Variants in GPR20 observed in about 807,000 individuals in gnomAD.
GPR20 encodes G protein-coupled receptor 20, also known as CTD-3064M3.3.
For synonymous variants in GPR20, 241 were observed against 241.9 expected (o/e 1.00, Z 0.04); for missense variants, 494 against 527.4 (o/e 0.94, Z 0.62).
At chr8:141,360,772 C>A (rs10090941) in intron 1 of GPR20, among the ~76,000 whole-genome samples, 1 of 151,800 alleles carries the variant, frequency 6.6e-6, no homozygotes, top group African/African-American at 2.4e-5. Flanking sequence ...GAGCAGTCAC[C>A]AGCACAGAGA....
rs35659383 is a variant in GPR20, at chr8:141,357,363, G to T, written c.561C>A (p.Gly187=). The change falls in exon 2 of 2, where the codon GGC becomes GGA. Residue 187 remains glycine (G), a synonymous_variant. Transcript: ENST00000377741. ...AAGAVTLSVL[G]VTGSRPCCRV... ...GGCAGCAGGGCCGGCTGCCTGTCAC[G>T]CCCAGCACCGACAGGGTGACGGCAC... 7.4e-5 allele frequency: 115 copies of T among 1,559,540 alleles called. 1 individual carries two copies. In the Admixed American group the frequency reaches 2.1e-3, roughly 28 times the overall value.
rs530487645 is a variant in GPR20 at position 141,356,830 on chromosome 8, T to G, written c.*17A>C. On this transcript the variant is annotated 3_prime_UTR_variant, in exon 2 of 2. Transcript: ENST00000377741. ...CAGATGAGTCCTGACCTTCGGCCCC[T>G]GGCAGAGCCCTGCTGACTAAGCCTC... is the stretch of plus-strand genomic sequence containing the variant. The G allele has an allele frequency of 1.3e-6, 2 of 1,551,276 alleles. No homozygotes were observed. The highest frequency in any genetic ancestry group is 2.4e-5 in the South Asian group (2 of 85,096).
chr8:141,361,285 C>T (rs1478416389), intron 1 of GPR20, among the ~76,000 whole-genome samples: 1 of 152,242 alleles, frequency 6.6e-6, no homozygotes, highest in Non-Finnish European at 1.5e-5. Flanking sequence ...GGCCTGCTCT[C>T]CAGGGCTGAG....
Position 141,357,529 on chromosome 8 carries a change from A to T in GPR20, c.395T>A (p.Leu132His). ...GAAGAGGATGGAGCAGTGCATGTTG[A>T]GGAAGTAACCGAGGACGTGCGGGAA... ...CAFPHVLGYF[L>H]NMHCSILFLT... Residue 132 changes from leucine to histidine, a missense_variant, in exon 2 of 2, where the codon CTC becomes CAC. Transcript: ENST00000377741. 6.2e-7 allele frequency: 1 copy of T among 1,613,718 alleles called. No individual in the cohort carries two copies. The highest frequency in any genetic ancestry group is 8.5e-7 in the Non-Finnish European group (1 of 1,179,994).
At chr8:141,359,739 G>A (rs1831705480) in intron 1 of GPR20, among the ~76,000 whole-genome samples, 1 of 152,150 alleles carries the variant, frequency 6.6e-6, no homozygotes, top group African/African-American at 2.4e-5. Context: ...TGGGGGCTGG[G>A]AACCTGGCGT....
chr8:141,360,227 A>C (rs1271821661), intron 1 of GPR20, among the ~76,000 whole-genome samples: 1 of 152,180 alleles, frequency 6.6e-6, no homozygotes, highest in Non-Finnish European at 1.5e-5. Flanking sequence ...GATTCCCCGC[A>C]CTAAGGGTCT....
At chr8:141,365,624 G>A (rs768750761) in intron 1 of GPR20, among the ~76,000 whole-genome samples, 3 of 152,224 alleles carry the variant, frequency 2.0e-5, no homozygotes, top group Non-Finnish European at 2.9e-5. Context: ...GGTCACGGCC[G>A]GGATGGGCCT....
rs938659259 is a variant in GPR20, at chr8:141,357,781, G to T, written c.143C>A (p.Thr48Asn). ...CAGCGCCAGCCACAGGCCTGGGAAG[G>T]TGCCATGCAGCTCCTCGTCCAGCCG... is the stretch of plus-strand genomic sequence containing the variant. ...FARLDEELHG[T>N]FPGLWLALMA... is the part of the protein sequence containing the mutation. Residue 48 changes from threonine to asparagine, a missense_variant, in exon 2 of 2, where the codon ACC becomes AAC. Physicochemically the swap from Thr to Asn is moderately conservative, Grantham distance 65. Transcript: ENST00000377741. 1 of 1,613,456 alleles carries T rather than the reference G, an allele frequency of 6.2e-7. No individual in the cohort carries two copies. Among genetic ancestry groups the T allele is most frequent in the South Asian group, 1.1e-5 (1 of 91,082 alleles).
chr8:141,356,788 G>A lies in GPR20; in HGVS notation c.*59C>T. ...GATTGCCACCCCTGGCATGGTGGGT[G>A]TCCACGCTGGCATGCCCAGATGAGT... On this transcript the variant is annotated 3_prime_UTR_variant, in exon 2 of 2. Coordinates refer to ENST00000377741, the MANE Select transcript of GPR20 (RefSeq NM_005293.3). 1 of 1,230,506 alleles carries A rather than the reference G, an allele frequency of 8.1e-7. No homozygotes were observed. The highest frequency in any genetic ancestry group is 1.1e-6 in the Non-Finnish European group (1 of 878,074). 76.2% of individuals were successfully genotyped at this position (1,230,506 alleles called of 1,614,324 possible).
chr8:141,366,229 A>G (rs1831811052), intron 1 of GPR20, among the ~76,000 whole-genome samples: 1 of 152,208 alleles, frequency 6.6e-6, no homozygotes, highest in Non-Finnish European at 1.5e-5. Context: ...AGAGAGGGGC[A>G]GCGACTTGCC....
intron 1 of GPR20, among the ~76,000 whole-genome samples, chr8:141,364,321 G>A (rs1831783097): frequency 6.6e-6 from 1 of 152,248 alleles, no homozygotes; most frequent in Non-Finnish European, 1.5e-5. Context: ...GGAACTGTCT[G>A]CCTGTTTATT....
intron 1 of GPR20, among the ~76,000 whole-genome samples, chr8:141,362,173 A>G (rs1006989980): frequency 3.3e-5 from 5 of 152,152 alleles, no homozygotes; most frequent in African/African-American, 1.2e-4. Flanking sequence ...TCCAGGCCCA[A>G]CCCCAAGCTG....
chr8:141,359,810 C>T (rs1166449736), intron 1 of GPR20, among the ~76,000 whole-genome samples: 2 of 152,220 alleles, frequency 1.3e-5, no homozygotes, highest in African/African-American at 2.4e-5. Context: ...CGTCCCTCCC[C>T]TGCTGTGGAT....
chr8:141,357,078 G>T lies in GPR20; in HGVS notation c.846C>A (p.Ala282=). ...HHTSLVVYHV[A]VTLSSLNSCM... The stretch of plus-strand genomic sequence containing the variant: ...AGCTGTTGAGGCTGCTGAGGGTCAC[G>T]GCCACGTGGTAGACCACGAGGCTCG... Residue 282 remains alanine, a synonymous_variant, in exon 2 of 2, where the codon GCC becomes GCA. Coordinates refer to ENST00000377741, the MANE Select transcript of GPR20 (RefSeq NM_005293.3). 1 of 1,612,504 alleles carries T rather than the reference G, an allele frequency of 6.2e-7. No homozygotes were observed. The highest frequency in any genetic ancestry group is 1.1e-5 in the South Asian group (1 of 91,060).
At chr8:141,358,976 T>C (rs1051163419) in intron 1 of GPR20, among the ~76,000 whole-genome samples, 1 of 152,098 alleles carries the variant, frequency 6.6e-6, no homozygotes, top group African/African-American at 2.4e-5. Context: ...CCCTGGCGTG[T>C]TTAACTCGGC....
chr8:141,357,709 C>G lies in GPR20; in HGVS notation c.215G>C (p.Gly72Ala). The change falls in exon 2 of 2, where the codon GGG (glycine) becomes GCG (alanine). Residue 72 changes from glycine (G) to alanine (A), a missense_variant. Transcript: ENST00000377741. ...AIFLAGLVLN[G>A]LALYVFCCRT... Reference sequence around the variant, plus strand: ...GCAGCAGAAGACGTACAGCGCCAGCCCGTTGAGCACCAGCCCTGCCAGGAA... The same window carrying G: ...GCAGCAGAAGACGTACAGCGCCAGCGCGTTGAGCACCAGCCCTGCCAGGAA... 1.2e-6 allele frequency: 2 copies of G among 1,613,492 alleles called. No homozygotes were observed. Among genetic ancestry groups the G allele is most frequent in the Non-Finnish European group, 1.7e-6 (2 of 1,179,974 alleles).
At chr8:141,360,694 C>G (rs1045626405) in intron 1 of GPR20, among the ~76,000 whole-genome samples, 1 of 152,232 alleles carries the variant, frequency 6.6e-6, no homozygotes, top group Non-Finnish European at 1.5e-5. Flanking sequence ...GGTTCCGCCC[C>G]TCCTGGGACA....
chr8:141,364,745 C>T (rs1213770154), intron 1 of GPR20, among the ~76,000 whole-genome samples: 1 of 151,238 alleles, frequency 6.6e-6, no homozygotes, highest in African/African-American at 2.5e-5. Context: ...TGCATGTCAC[C>T]TGCCAGCCCC....
rs776014058 is a variant in GPR20, at chr8:141,356,925, C to T, written c.999G>A (p.Lys333=). The T allele has an allele frequency of 6.2e-7, 1 of 1,612,444 alleles. No homozygotes were observed. The highest frequency in any genetic ancestry group is 8.5e-7 in the Non-Finnish European group (1 of 1,179,778). Residue 333 remains lysine, a synonymous_variant, in exon 2 of 2, where the codon AAG becomes AAA. Coordinates refer to ENST00000377741, the MANE Select transcript of GPR20 (RefSeq NM_005293.3). ...GDVVSMHRSS[K]GSGRHHILSA... is the part of the protein sequence containing the mutation. ...TGAGGATGTGATGACGGCCTGAGCC[C>T]TTGGAGCTCCTGTGCATGCTGACCA...
Sources: gnomAD v4.1 joint callset for allele counts (sites outside exome capture counted in the v4.1 genomes callset) on GRCh38, gnomAD v4.1.1 for gene constraint, MANE v1.5 for transcripts, NCBI Gene and HGNC (gene_info 2026-07-23, HGNC 2026-07-21) for gene names.